Variants in ZNF638 observed in about 807,000 individuals in gnomAD.
ZNF638 encodes CTCL tumor antigen se33-1.
Under a neutral mutation model 195.6 loss-of-function variants are expected in ZNF638, and 46 were observed. The ratio of observed to expected loss-of-function variants is 0.24; its 90% CI spans 0.19 to 0.30. The LOEUF is 0.30. Ranked by LOEUF, ZNF638 falls within the 10% of genes least tolerant of loss-of-function variation. ZNF638 has a pLI of 1.00. For missense variants in ZNF638, 2,440 were observed against 2,325.3 expected, an observed-to-expected ratio of 1.05 and a Z score of -1.01; for synonymous variants, 845 against 772.0, an observed-to-expected ratio of 1.09 and a Z score of -1.57.
intron 20 of ZNF638, among the ~76,000 whole-genome samples, chr2:71,409,548 C>G (rs763547402): frequency 2.1e-4 from 32 of 152,084 alleles, no homozygotes; most frequent in Non-Finnish European, 1.9e-4. Context: ...TGTCCATAAC[C>G]TCTACACTCA....
intron 11 of ZNF638, among the ~76,000 whole-genome samples, chr2:71,396,836 A>C (rs2079903760): frequency 6.6e-6 from 1 of 152,164 alleles, no homozygotes; most frequent in South Asian, 2.1e-4. Flanking sequence ...AATCTCAGCT[A>C]CTGGGAAGGC....
rs776485264 is a variant in ZNF638, at chr2:71,422,985, T to G, written c.3471T>G (p.Asp1157Glu). The G allele has an allele frequency of 6.2e-7, 1 of 1,614,158 alleles. No individual in the cohort carries two copies. The highest frequency in any genetic ancestry group is 1.1e-5 in the South Asian group (1 of 91,076). Reference protein sequence around the residue: ...CEEEAEKATCDSDFAVETLEL... With the variant: ...CEEEAEKATCESDFAVETLEL... ...AAGAAGCTGAAAAAGCAACATGTGATTCTGACTTTGCTGTTGAAACTTTGG... is the reference window on the plus strand; with the variant it reads ...AAGAAGCTGAAAAAGCAACATGTGAGTCTGACTTTGCTGTTGAAACTTTGG... Residue 1157 changes from aspartate to glutamate, a missense_variant, in exon 22 of 28, where the codon GAT becomes GAG. By Grantham distance (45) the Asp-to-Glu change is conservative (BLOSUM62 2). Transcript: ENST00000264447.
intron 10 of ZNF638, chr2:71,388,401 ATCCG>A (rs1174122434): frequency 1.5e-6 from 1 of 659,626 alleles, no homozygotes; most frequent in East Asian, 3.0e-5. Context: ...ACCTTTGATC[ATCCG>A]CGTGCAGGAC....
chr2:71,349,609 T>A lies in ZNF638; in HGVS notation c.655T>A (p.Tyr219Asn). The change falls in exon 2 of 28, where the codon TAC (tyrosine) becomes AAC (asparagine). Residue 219 changes from tyrosine to asparagine, a missense_variant. Tyr to Asn is a moderately radical substitution (Grantham distance 143, BLOSUM62 -2). This residue lies in a region of ZNF638 where 305 missense variants were observed against 283.6 expected (regional missense o/e 1.08). Transcript: ENST00000264447. Reference sequence around the variant, plus strand: ...TTATGGGCATGCAAGCAAATATGGCTACACAGAAGATCCACTTGAAGTACG... The same window carrying A: ...TTATGGGCATGCAAGCAAATATGGCAACACAGAAGATCCACTTGAAGTACG... ...IDYGHASKYG[Y>N]TEDPLEVRIY... 2 of 1,614,216 alleles carry A rather than the reference T, an allele frequency of 1.2e-6. No homozygotes were observed. Among genetic ancestry groups the A allele is most frequent in the Non-Finnish European group, 1.7e-6 (2 of 1,180,032 alleles).
intron 19 of ZNF638, chr2:71,407,611 C>T (rs1461424320): frequency 6.6e-6 from 1 of 152,216 alleles, no homozygotes; most frequent in Non-Finnish European, 1.5e-5. Context: ...TGATATTCAG[C>T]ACCTTCACAT....
chr2:71,345,453 G>T (rs2078834709), intron 1 of ZNF638, among the ~76,000 whole-genome samples: 1 of 152,156 alleles, frequency 6.6e-6, no homozygotes, highest in South Asian at 2.1e-4. Flanking sequence ...GAGTACAGTG[G>T]TGGAAACAGC....
In ZNF638 at chr2:71,369,982, G is replaced by T; in HGVS notation, c.2242G>T (p.Val748Phe). 1 of 1,595,528 alleles carries T rather than the reference G, an allele frequency of 6.3e-7. No individual in the cohort carries two copies. The highest frequency in any genetic ancestry group is 8.5e-7 in the Non-Finnish European group (1 of 1,174,746). The change falls in exon 8 of 28, where the codon GTT (valine) becomes TTT (phenylalanine). Residue 748 changes from valine (V) to phenylalanine (F), a missense_variant. Val to Phe is a conservative substitution (Grantham distance 50). Coordinates refer to ENST00000264447, the MANE Select transcript of ZNF638 (RefSeq NM_014497.5). ...AAAAGGAAAAAGTGTGAAAATATGT[G>T]TTCCAGGAAAGAAAAAAGCACAGGT... ...TIKGKSVKIC[V>F]PGKKKAQNKE... is the part of the protein sequence containing the mutation.
chr2:71,404,166 T>C (rs3732234), intron 17 of ZNF638, among the ~76,000 whole-genome samples, 168 bp downstream of exon 17: 14,008 of 152,254 alleles, frequency 0.092, 696 homozygotes, highest in East Asian at 0.14. Context: ...TCCCACTGTT[T>C]GAGAGTTACT....
chr2:71,352,822 G>A (rs551216337), intron 2 of ZNF638, among the ~76,000 whole-genome samples: 16 of 152,258 alleles, frequency 1.1e-4, no homozygotes, highest in South Asian at 8.3e-4. Context: ...AATTGTTCAA[G>A]TATAAGATGG....
At chr2:71,360,032 A>G (rs556706782) in intron 3 of ZNF638, among the ~76,000 whole-genome samples, 1 of 152,342 alleles carries the variant, frequency 6.6e-6, no homozygotes, top group South Asian at 2.1e-4. Flanking sequence ...ATTATTCCAG[A>G]CTTTATCAAT....
rs2080016485 is a variant in ZNF638, at chr2:71,401,991, T to C, written c.2733T>C (p.Asn911=). The change falls in exon 16 of 28, where the codon AAT becomes AAC. Residue 911 remains asparagine (N), a synonymous_variant. Transcript: ENST00000264447. ...TEEMCVMLVS[N]LPNKGYSVEE... ...AAATGTGTGTGATGCTTGTCTCTAATTTGCCTAATAAAGGATATTCTGTAG... is the reference window on the plus strand; with the variant it reads ...AAATGTGTGTGATGCTTGTCTCTAACTTGCCTAATAAAGGATATTCTGTAG... The C allele has an allele frequency of 6.3e-7, 1 of 1,599,468 alleles. No homozygotes were observed. The highest frequency in any genetic ancestry group is 1.7e-5 in the Admixed American group (1 of 57,718).
Position 71,348,854 on chromosome 2 carries a change from A to G in ZNF638, c.-101A>G. The G allele has an allele frequency of 1.2e-6, 2 of 1,611,326 alleles. No homozygotes were observed. The highest frequency in any genetic ancestry group is 1.7e-6 in the Non-Finnish European group (2 of 1,179,726). On this transcript the variant is annotated 5_prime_UTR_variant, in exon 2 of 28. Transcript: ENST00000264447. ...GGCCCATCTCCTTTGCACTTTGCTC[A>G]GATTAAGACTCAGTTGGCGCTTCAG... is the stretch of plus-strand genomic sequence containing the variant.
chr2:71,354,700 G>A (rs1325130632), intron 2 of ZNF638, among the ~76,000 whole-genome samples: 1 of 148,946 alleles, frequency 6.7e-6, no homozygotes, highest in African/African-American at 2.5e-5. Context: ...TCGCCTCATT[G>A]CACTCCAGCC....
intron 8 of ZNF638, among the ~76,000 whole-genome samples, chr2:71,372,340 C>T (rs1402487144): frequency 6.6e-6 from 1 of 152,192 alleles, no homozygotes; most frequent in Non-Finnish European, 1.5e-5. Flanking sequence ...TGGATGAGTC[C>T]TCTTTGGCTA....
At chr2:71,360,765 G>A (rs913907929) in intron 3 of ZNF638, among the ~76,000 whole-genome samples, 2 of 152,168 alleles carry the variant, frequency 1.3e-5, no homozygotes, top group Admixed American at 6.5e-5. Flanking sequence ...ATCACATTGG[G>A]ACAAAGATAA....
chr2:71,395,350 G>A (rs753270022), intron 10 of ZNF638: 3 of 713,678 alleles, frequency 4.2e-6, no homozygotes, highest in South Asian at 3.0e-5. Context: ...AAAACAAAAG[G>A]GGGAGATGTA....
Position 71,423,650 on chromosome 2 carries a change from C to G in ZNF638, c.4136C>G (p.Thr1379Ser). 6.2e-7 allele frequency: 1 copy of G among 1,613,758 alleles called. No homozygotes were observed. Among genetic ancestry groups the G allele is most frequent in the Non-Finnish European group, 8.5e-7 (1 of 1,179,996 alleles). The change falls in exon 22 of 28, where the codon ACT becomes AGT. Residue 1379 changes from threonine to serine, a missense_variant. By Grantham distance (58) the Thr-to-Ser change is moderately conservative (BLOSUM62 1). Transcript: ENST00000264447. ...QANKPDETSK[T>S]SILAVSDVSS... The stretch of plus-strand genomic sequence containing the variant: ...AATAAGCCTGATGAAACTAGTAAAA[C>G]TAGTATTCTGGCTGTATCAGATGTA...
In ZNF638 at chr2:71,378,383, A is replaced by G. The variant is rs369082792; in HGVS notation, c.2266-1839A>G. 3.9e-5 allele frequency among the ~76,000 whole-genome samples: 6 copies of G among 152,236 alleles called. No individual in the cohort carries two copies. In the South Asian group the frequency reaches 8.3e-4, roughly 21 times the overall value. ...TAATTGAGTTGAAGGAACATGTGGG[A>G]TAAAATCCCATATAGTGCAAAAGGA... is the stretch of plus-strand genomic sequence containing the variant. On this transcript the variant is annotated intron_variant, in intron 8 of 27. Transcript: ENST00000264447.
intron 11 of ZNF638, among the ~76,000 whole-genome samples, chr2:71,396,970 C>T (rs773245285): frequency 1.3e-5 from 2 of 152,018 alleles, no homozygotes; most frequent in Non-Finnish European, 2.9e-5. Context: ...AACAAATAAT[C>T]TTTCATATAA....
Sources: allele counts gnomAD v4.1 joint callset (sites outside exome capture counted in the v4.1 genomes callset), GRCh38; gene constraint gnomAD v4.1.1; regional missense constraint gnomAD v4.1.1; transcripts MANE v1.5; gene names NCBI Gene and HGNC (gene_info 2026-07-23, HGNC 2026-07-21).